SNAPC1: variants seen among roughly 807,000 people sequenced by gnomAD.
The protein encoded by SNAPC1 is small nuclear RNA activating complex polypeptide 1.
A neutral mutation model predicts 50.1 loss-of-function variants in SNAPC1; 42 were observed. The ratio of observed to expected loss-of-function variants is 0.84; its 90% confidence interval spans 0.65 to 1.08. The LOEUF (loss-of-function observed/expected upper bound fraction) is 1.08. Among genes scored for constraint, SNAPC1 ranks in the 50% least tolerant of loss-of-function variants. The pLI is 0.00. For missense variants in SNAPC1, 477 were observed against 427.3 expected (o/e 1.12, Z -1.02); for synonymous variants, 164 against 144.2 (o/e 1.14, Z -0.98).
rs2045114358 is a variant in SNAPC1, at chr14:61,786,116, A to G, written c.976+3719A>G. On this transcript the variant is annotated intron_variant, in intron 8 of 9. Coordinates refer to ENST00000216294, the MANE Select transcript of SNAPC1 (RefSeq NM_003082.4). ...ACATTGCAAGAAAGAACTAAAGACC[A>G]ATATCCCTTATCTTATCCAAAAAAA... Among the ~76,000 whole-genome samples the G allele has an allele frequency of 2.0e-5, 3 of 152,230 alleles. No individual in the cohort carries two copies. The South Asian group carries it at 6.2e-4, about 31-fold the overall frequency.
rs776473825 is a variant in SNAPC1 at position 61,782,352 on chromosome 14, G to A, written c.931G>A (p.Glu311Lys). Residue 311 changes from glutamate (E) to lysine (K), a missense_variant, in exon 8 of 10, where the codon GAA becomes AAA. Coordinates refer to ENST00000216294, the MANE Select transcript of SNAPC1 (RefSeq NM_003082.4). ...VKATRKKEKK[E>K]RLKPAGRKMS... ...AGCAACTAGGAAAAAAGAGAAGAAA[G>A]AAAGATTGAAACCAGCAGGAAGGAA... 3.7e-6 allele frequency: 6 copies of A among 1,613,364 alleles called. No homozygotes were observed. In the East Asian group the frequency reaches 1.3e-4, roughly 36 times the overall value.
intron 8 of SNAPC1, among the ~76,000 whole-genome samples, chr14:61,783,629 G>A (rs1404452150): frequency 1.4e-5 from 2 of 139,856 alleles, no homozygotes; most frequent in Non-Finnish European, 3.1e-5. Context: ...TCTGCCTCCC[G>A]GGTTCAAGTG....
chr14:61,769,155 T>G (rs1302095637), intron 4 of SNAPC1, among the ~76,000 whole-genome samples: 1 of 151,992 alleles, frequency 6.6e-6, no homozygotes, highest in African/African-American at 2.4e-5. Context: ...GTCAGGAGTT[T>G]GAGACTAGCC....
At chr14:61,793,259 G>A (rs1354919583) in intron 9 of SNAPC1, among the ~76,000 whole-genome samples, 1 of 152,042 alleles carries the variant, frequency 6.6e-6, no homozygotes, top group Non-Finnish European at 1.5e-5. Context: ...TCATGAGACA[G>A]GGTCTTGCTG....
chr14:61,794,307 A>G (rs376923696), intron 9 of SNAPC1, among the ~76,000 whole-genome samples: 3 of 152,312 alleles, frequency 2.0e-5, no homozygotes, highest in East Asian at 3.8e-4. Flanking sequence ...AGGATTTAGA[A>G]TGACTAAGGG....
chr14:61,762,449 G>A lies in SNAPC1; in HGVS notation c.-12G>A, dbSNP rs771209146. 6 of 1,611,546 alleles carry A rather than the reference G, an allele frequency of 3.7e-6. No individual in the cohort carries two copies. The Middle Eastern group carries it at 6.6e-4, about 178-fold the overall frequency. On this transcript the variant is annotated 5_prime_UTR_variant, in exon 1 of 10. Transcript: ENST00000216294. ...GCGTGCGGGCTTCGGAGGCGTGCGG[G>A]CTTCGGGTGCCATGGGGACTCCTCC...
At chr14:61,790,920 A>T (rs982782811) in intron 8 of SNAPC1, among the ~76,000 whole-genome samples, 1 of 152,190 alleles carries the variant, frequency 6.6e-6, no homozygotes, top group Non-Finnish European at 1.5e-5. Context: ...CCACACATTT[A>T]GCTTTGAGCA....
At chr14:61,775,695 A>G (rs564864804) in intron 4 of SNAPC1, among the ~76,000 whole-genome samples, 52 of 152,358 alleles carry the variant, frequency 3.4e-4, no homozygotes, top group African/African-American at 1.3e-3. Context: ...ATAAAGGACT[A>G]TGTAAATATT....
intron 4 of SNAPC1, among the ~76,000 whole-genome samples, chr14:61,770,779 A>C (rs1238279947): frequency 6.6e-6 from 1 of 151,956 alleles, no homozygotes; most frequent in Non-Finnish European, 1.5e-5. Flanking sequence ...CTGTAGCCCA[A>C]GTTGGAGTGC....
At chr14:61,777,733 C>T (rs980564093) in intron 5 of SNAPC1, among the ~76,000 whole-genome samples, 2 of 152,014 alleles carry the variant, frequency 1.3e-5, no homozygotes, top group African/African-American at 2.4e-5. Context: ...GATTAGCCAC[C>T]ATGCATAGCT....
At chr14:61,782,424 T>A in intron 8 of SNAPC1, 27 bp downstream of exon 8, 1 of 1,570,994 alleles carries the variant, frequency 6.4e-7, no homozygotes, top group Non-Finnish European at 8.6e-7. Flanking sequence ...TTACTAAGAT[T>A]CAACAAAGGA....
chr14:61,793,339 G>A (rs1043868220), intron 9 of SNAPC1, among the ~76,000 whole-genome samples: 6 of 151,964 alleles, frequency 3.9e-5, no homozygotes, highest in African/African-American at 1.4e-4. Flanking sequence ...CCCGGCTCAG[G>A]CTATCCTCCC....
chr14:61,767,133 T>C, intron 2 of SNAPC1, 79 bp from the exon 3 acceptor site: 1 of 1,125,842 alleles, frequency 8.9e-7, no homozygotes, highest in South Asian at 2.7e-5. Flanking sequence ...TTAAATAAAA[T>C]GCCAGTATTT....
chr14:61,791,463 A>G (rs1332746895), intron 8 of SNAPC1, among the ~76,000 whole-genome samples: 1 of 152,172 alleles, frequency 6.6e-6, no homozygotes, highest in Non-Finnish European at 1.5e-5. Flanking sequence ...TTTCTGGAAC[A>G]CTGTATCCTT....
At chr14:61,767,174 T>A (rs1220978789) in intron 2 of SNAPC1, 38 bp from the exon 3 acceptor site, 1 of 1,375,402 alleles carries the variant, frequency 7.3e-7, no homozygotes, top group Non-Finnish European at 9.5e-7. Flanking sequence ...GAAAAAATAT[T>A]TACATTTAGT....
At chr14:61,787,868 A>C (rs1444220628) in intron 8 of SNAPC1, among the ~76,000 whole-genome samples, 1 of 152,246 alleles carries the variant, frequency 6.6e-6, no homozygotes, top group African/African-American at 2.4e-5. Flanking sequence ...CCTCACAAGC[A>C]CTTTTTATTA....
intron 4 of SNAPC1, among the ~76,000 whole-genome samples, chr14:61,771,354 C>T (rs960501360): frequency 1.1e-4 from 17 of 152,142 alleles, no homozygotes; most frequent in East Asian, 1.9e-4. Context: ...TGGAGCTAAG[C>T]TTCATACTCA....
rs2044955417 is a variant in SNAPC1, at chr14:61,767,285, A to G, written c.362A>G (p.Asp121Gly). 1 of 1,534,012 alleles carries G rather than the reference A, an allele frequency of 6.5e-7. No individual in the cohort carries two copies. Among genetic ancestry groups the G allele is most frequent in the Non-Finnish European group, 8.8e-7 (1 of 1,138,940 alleles). ...QQDLVNAQHF[D>G]AAYIFRKLRL... ...GATTTAGTAAATGCACAGCATTTTG[A>G]TGCAGCTTATATTTTTAGGAAGCTA... The change falls in exon 3 of 10, where the codon GAT becomes GGT. Residue 121 changes from aspartate to glycine, a missense_variant. By Grantham distance (94) the Asp-to-Gly change is moderately conservative. Coordinates refer to ENST00000216294, the MANE Select transcript of SNAPC1 (RefSeq NM_003082.4).
rs1392876241 is a variant in SNAPC1, at chr14:61,779,301, T to C, written c.825+391T>C. On this transcript the variant is annotated intron_variant, in intron 7 of 9. Transcript: ENST00000216294. ...TTTTGTTTATTGCCCTTGGCACTCA[T>C]GGTGACCTCCTTTCAATCTGATATC... Among the ~76,000 whole-genome samples the C allele has an allele frequency of 2.6e-5, 4 of 152,326 alleles. No homozygotes were observed. The East Asian group carries it at 7.7e-4, about 29-fold the overall frequency.
Sources: allele counts gnomAD v4.1 joint callset (sites outside exome capture counted in the v4.1 genomes callset), GRCh38; gene constraint gnomAD v4.1.1; transcripts MANE v1.5; gene names NCBI Gene and HGNC (gene_info 2026-07-23, HGNC 2026-07-21).